The following PIP4K2A variants were observed in gnomAD, a reference collection of about 807,000 sequenced individuals.
PIP4K2A encodes the protein phosphatidylinositol-5-phosphate 4-kinase type 2 alpha.
In PIP4K2A, 14 loss-of-function variants were observed where a neutral mutation model predicts 42.9. That is an observed-to-expected ratio of 0.33 (90% CI 0.22 to 0.51). The LOEUF (loss-of-function observed/expected upper bound fraction) is 0.51, where lower values mean the gene tolerates loss of function less well. PIP4K2A is among the 20% of genes least tolerant of loss of function. The pLI, the probability that PIP4K2A is intolerant of heterozygous loss-of-function variation, is 0.97. For synonymous variants in PIP4K2A, 192 were observed against 192.2 expected (o/e 1.00, Z 0.01); for missense variants, 434 against 519.8 (o/e 0.83, Z 1.61).
chr10:22,591,154 C>A (rs961336508), intron 4 of PIP4K2A, among the ~76,000 whole-genome samples: 1 of 152,226 alleles, frequency 6.6e-6, no homozygotes, highest in African/African-American at 2.4e-5. Flanking sequence ...CAGACCAACA[C>A]CCACCTTCTA....
rs1423066029 is a variant in PIP4K2A at position 22,580,107 on chromosome 10, A to C, written c.493-6650T>G. Among the ~76,000 whole-genome samples the C allele has an allele frequency of 2.0e-5, 3 of 151,728 alleles. 1 individual carries two copies. The highest frequency in any genetic ancestry group is 7.3e-5 in the African/African-American group (3 of 41,038). ...CCAGGAGCACCTGATATGTGCCCCA[A>C]ATGCTCTCAGAGACACGGGTTGTAT... On this transcript the variant is annotated intron_variant, in intron 4 of 9. Coordinates refer to ENST00000376573, the MANE Select transcript of PIP4K2A (RefSeq NM_005028.5).
chr10:22,550,538 G>T lies in PIP4K2A; in HGVS notation c.792+121C>A, dbSNP rs1836381208. The T allele has an allele frequency of 1.1e-5, 8 of 710,188 alleles. No individual in the cohort carries two copies. In the South Asian group the frequency reaches 1.2e-4, roughly 11 times the overall value. The allele number at this position is 710,188 out of a possible 1,614,324, so 44.0% of individuals were successfully genotyped here. A position where few individuals can be genotyped will look rare whatever the true frequency, so the allele number is the denominator to read the frequency against. On this transcript the variant is annotated intron_variant, in intron 7 of 9. Transcript: ENST00000376573. The stretch of plus-strand genomic sequence containing the variant: ...ACACCTTCATGTCTGACTTCCCTAA[G>T]GTAGAGTATGCAGGTTTTTGCCTTG...
intron 1 of PIP4K2A, among the ~76,000 whole-genome samples, chr10:22,684,044 T>C (rs950895606): frequency 2.0e-5 from 3 of 152,144 alleles, no homozygotes; most frequent in African/African-American, 7.2e-5. Context: ...CTGGAGCCCA[T>C]TACTTTGTGT....
intron 3 of PIP4K2A, among the ~76,000 whole-genome samples, chr10:22,598,348 A>T (rs938493953): frequency 2.6e-5 from 4 of 152,090 alleles, no homozygotes; most frequent in Non-Finnish European, 4.4e-5. Flanking sequence ...ACAGACAGAG[A>T]CTCTGTTAAA....
rs560620455 is a variant in PIP4K2A at position 22,682,564 on chromosome 10, G to A, written c.144+31619C>T. Reference sequence around the variant, plus strand: ...AAAAAGTGCCATCAACTTGACACTTGAGAGTTTAGCTAACAAAGTACACAA... The same window carrying A: ...AAAAAGTGCCATCAACTTGACACTTAAGAGTTTAGCTAACAAAGTACACAA... On this transcript the variant is annotated intron_variant, in intron 1 of 9. Coordinates refer to ENST00000376573, the MANE Select transcript of PIP4K2A (RefSeq NM_005028.5). Among the ~76,000 whole-genome samples the A allele has an allele frequency of 2.0e-5, 3 of 152,324 alleles. No homozygotes were observed. In the East Asian group the frequency reaches 5.8e-4, roughly 29 times the overall value.
chr10:22,638,189 G>A (rs190722795), intron 1 of PIP4K2A, among the ~76,000 whole-genome samples: 61 of 152,238 alleles, frequency 4.0e-4, no homozygotes, highest in East Asian at 1.7e-3. Context: ...TACTTGCTAA[G>A]AATGAATGAA....
In PIP4K2A at chr10:22,536,094, A is replaced by G. The variant is rs1835910950; in HGVS notation, c.*1107T>C. On this transcript the variant is annotated 3_prime_UTR_variant, in exon 10 of 10. Transcript: ENST00000376573. ...TTCAAAAGATATCCCTGTTTTCCTA[A>G]TAATGTAAACAGTAAAACTGAGGGT... The G allele has an allele frequency of 7.5e-6, 3 of 398,460 alleles. No individual in the cohort carries two copies. Among genetic ancestry groups the G allele is most frequent in the Non-Finnish European group, 1.3e-5 (3 of 226,050 alleles). 24.7% of individuals were successfully genotyped at this position (398,460 alleles called of 1,614,324 possible).
At chr10:22,713,150 T>C (rs1202704692) in intron 1 of PIP4K2A, among the ~76,000 whole-genome samples, 1 of 152,202 alleles carries the variant, frequency 6.6e-6, no homozygotes, top group Admixed American at 6.5e-5. Context: ...CCGATCATGT[T>C]TCCTGATCCT....
intron 7 of PIP4K2A, among the ~76,000 whole-genome samples, chr10:22,547,438 G>A (rs141999521): frequency 4.9e-4 from 75 of 152,228 alleles, no homozygotes; most frequent in African/African-American, 1.7e-3. Context: ...CTCTGGGCTC[G>A]GCTTCCCCAT....
intron 4 of PIP4K2A, among the ~76,000 whole-genome samples, chr10:22,587,393 A>G (rs1837420530): frequency 6.6e-6 from 1 of 152,252 alleles, no homozygotes; most frequent in Admixed American, 6.5e-5. Flanking sequence ...AGAAGCCCAG[A>G]GAGTTCCAAG....
At chr10:22,653,550 G>A (rs903477993) in intron 1 of PIP4K2A, among the ~76,000 whole-genome samples, 6 of 152,216 alleles carry the variant, frequency 3.9e-5, no homozygotes, top group African/African-American at 1.4e-4. Flanking sequence ...GCAGACAGAA[G>A]AAAGGAGGTA....
At chr10:22,679,681 A>G (rs1034467812) in intron 1 of PIP4K2A, among the ~76,000 whole-genome samples, 4 of 152,228 alleles carry the variant, frequency 2.6e-5, no homozygotes, top group Non-Finnish European at 5.9e-5. Context: ...GTGAAAGGAT[A>G]AACAAAATGT....
intron 6 of PIP4K2A, among the ~76,000 whole-genome samples, chr10:22,559,007 C>T (rs892335774): frequency 2.6e-5 from 4 of 152,110 alleles, no homozygotes; most frequent in African/African-American, 9.7e-5. Context: ...CCTCCACAAA[C>T]TGGGATATGA....
At position 22,636,575 on chromosome 10, in the gene PIP4K2A, T is replaced by C. The variant is rs191810503; in HGVS notation, c.145-26858A>G. Among the ~76,000 whole-genome samples the C allele has an allele frequency of 4.6e-5, 7 of 152,334 alleles. No individual in the cohort carries two copies. The East Asian group carries it at 9.6e-4, about 21-fold the overall frequency. On this transcript the variant is annotated intron_variant, in intron 1 of 9. Transcript: ENST00000376573. ...TGCCATACACAGTCAAAACTTATTA[T>C]GCACTCACCTCATTCGCTGTAGGGG... is the stretch of plus-strand genomic sequence containing the variant.
At chr10:22,642,598 A>G (rs1838802802) in intron 1 of PIP4K2A, among the ~76,000 whole-genome samples, 1 of 40,786 alleles carries the variant, frequency 2.5e-5, no homozygotes, top group South Asian at 6.8e-4. Context: ...TTATAAACAG[A>G]TCAGTGTGTG....
intron 1 of PIP4K2A, among the ~76,000 whole-genome samples, chr10:22,618,941 A>G (rs1838249464): frequency 6.6e-6 from 1 of 152,246 alleles, no homozygotes; most frequent in Non-Finnish European, 1.5e-5. Context: ...ACTTAGAACA[A>G]AGACCATCAT....
intron 1 of PIP4K2A, among the ~76,000 whole-genome samples, chr10:22,669,772 C>T (rs1839414172): frequency 6.6e-6 from 1 of 152,122 alleles, no homozygotes; most frequent in South Asian, 2.1e-4. Flanking sequence ...ACTTTTTTAC[C>T]AACCGTTTTT....
chr10:22,710,781 T>C (rs1349406550), intron 1 of PIP4K2A, among the ~76,000 whole-genome samples: 2 of 152,244 alleles, frequency 1.3e-5, no homozygotes, highest in South Asian at 2.1e-4. Flanking sequence ...TAGCTACTTC[T>C]AAATGCTACA....
chr10:22,591,649 T>C lies in PIP4K2A; in HGVS notation c.472A>G (p.Ile158Val). The C allele has an allele frequency of 3.1e-6, 5 of 1,608,968 alleles. No individual in the cohort carries two copies. The highest frequency in any genetic ancestry group is 1.3e-5 in the African/African-American group (1 of 74,872). The change falls in exon 4 of 10, where the codon ATC (isoleucine) becomes GTC (valine). Residue 158 changes from isoleucine (I) to valine (V), a missense_variant. Around this residue, in one of 2 missense-constraint regions of PIP4K2A, gnomAD observed 395 missense variants for 444.5 expected, o/e 0.89. Coordinates refer to ENST00000376573, the MANE Select transcript of PIP4K2A (RefSeq NM_005028.5). ...ATTACCTGGTGGTATTTCTTCAGGA[T>C]GTTGTGCATTTCGGCCACGTCTTCA... Reference protein sequence around the residue: ...TSEDVAEMHNILKKYHQYIVE... With the variant: ...TSEDVAEMHNVLKKYHQYIVE...
Sources: gnomAD v4.1 joint callset for allele counts (sites outside exome capture counted in the v4.1 genomes callset) on GRCh38, gnomAD v4.1.1 for gene constraint, gnomAD v4.1.1 regional missense constraint, MANE v1.5 for transcripts, NCBI Gene and HGNC (gene_info 2026-07-23, HGNC 2026-07-21) for gene names.